Variants in UMAD1 observed in about 807,000 individuals in gnomAD.
UMAD1 encodes UBAP1-MVB12-associated (UMA)-domain containing protein 1.
In UMAD1, 8 loss-of-function variants were observed where a neutral mutation model predicts 6.1. That is an observed-to-expected ratio of 1.30 (90% CI 0.76 to 2.35). The LOEUF is 2.35. Among genes scored for constraint, UMAD1 ranks in the 30% most tolerant of loss-of-function variants. UMAD1 has a pLI of 0.00. For synonymous variants in UMAD1, 56 were observed against 31.4 expected (o/e 1.78, Z -2.61); for missense variants, 130 against 78.4 (o/e 1.66, Z -2.49).
intron 3 of UMAD1, among the ~76,000 whole-genome samples, chr7:7,803,242 A>C (rs1233616757): frequency 1.3e-5 from 2 of 152,216 alleles, no homozygotes; most frequent in Non-Finnish European, 2.9e-5. Flanking sequence ...TTGGGAGGCC[A>C]AGGAAAGAGG....
intron 2 of UMAD1, among the ~76,000 whole-genome samples, chr7:7,749,706 T>C (rs1781641212): frequency 6.6e-6 from 1 of 152,152 alleles, no homozygotes; most frequent in Admixed American, 6.5e-5. Context: ...TATGTAGATA[T>C]GATGAAAAGA....
intron 3 of UMAD1, among the ~76,000 whole-genome samples, chr7:7,853,188 A>G (rs1468792444): frequency 6.6e-6 from 1 of 152,228 alleles, no homozygotes; most frequent in Non-Finnish European, 1.5e-5. Context: ...ATTGATCTAT[A>G]TCTCTCTGCT....
intron 3 of UMAD1, among the ~76,000 whole-genome samples, chr7:7,819,922 G>A (rs1563232768): frequency 6.6e-6 from 1 of 152,040 alleles, no homozygotes; most frequent in African/African-American, 2.4e-5. Flanking sequence ...AAAATGTATG[G>A]GTTATTACTC....
At chr7:7,845,728 GT>G (rs1783771177) in intron 3 of UMAD1, among the ~76,000 whole-genome samples, 2 of 152,012 alleles carry the variant, frequency 1.3e-5, no homozygotes, top group Admixed American at 1.3e-4. Flanking sequence ...ATACAGAACC[GT>G]TATGGCAGCA....
rs571551677 is a variant in UMAD1 at position 7,869,473 on chromosome 7, G to A, written c.157-7808G>A. Among the ~76,000 whole-genome samples the A allele has an allele frequency of 6.6e-5, 10 of 152,264 alleles. No individual in the cohort carries two copies. The South Asian group carries it at 2.1e-3, about 32-fold the overall frequency. On this transcript the variant is annotated intron_variant, in intron 3 of 3. Coordinates refer to ENST00000682710, the MANE Select transcript of UMAD1 (RefSeq NM_001302348.2). ...TCTTTGCATGTAAATTGAATGTGTTGGAAGAGTGTTTTATACCTGGTTTCA... is the reference window on the plus strand; with the variant it reads ...TCTTTGCATGTAAATTGAATGTGTTAGAAGAGTGTTTTATACCTGGTTTCA...
At chr7:7,853,190 C>G (rs1180995360) in intron 3 of UMAD1, among the ~76,000 whole-genome samples, 1 of 152,188 alleles carries the variant, frequency 6.6e-6, no homozygotes, top group African/African-American at 2.4e-5. Context: ...TGATCTATAT[C>G]TCTCTGCTTA....
chr7:7,645,302 A>C (rs1785068887), intron 1 of UMAD1, among the ~76,000 whole-genome samples: 2 of 152,238 alleles, frequency 1.3e-5, no homozygotes, highest in South Asian at 4.1e-4. Flanking sequence ...CTGCATAAAC[A>C]AAAGTATCTT....
intron 2 of UMAD1, among the ~76,000 whole-genome samples, chr7:7,675,157 G>A (rs1161762857): frequency 3.3e-5 from 5 of 152,124 alleles, no homozygotes; most frequent in African/African-American, 4.8e-5. Context: ...GAGCCACCAC[G>A]TCCAGCCTCT....
chr7:7,783,411 T>C (rs1341937131), intron 2 of UMAD1, among the ~76,000 whole-genome samples: 1 of 152,114 alleles, frequency 6.6e-6, no homozygotes, highest in Admixed American at 6.5e-5. Flanking sequence ...TTTTTTTTTT[T>C]CTAAAAGAGA....
intron 3 of UMAD1, among the ~76,000 whole-genome samples, chr7:7,848,987 T>A (rs1210145363): frequency 6.6e-6 from 1 of 152,186 alleles, no homozygotes; most frequent in African/African-American, 2.4e-5. Context: ...ATGGTTCGAT[T>A]TTATATTACG....
chr7:7,872,513 G>A (rs1387278652), intron 3 of UMAD1, among the ~76,000 whole-genome samples: 1 of 152,182 alleles, frequency 6.6e-6, no homozygotes, highest in Non-Finnish European at 1.5e-5. Context: ...AAAGATCACT[G>A]ATCATGCCTC....
intron 3 of UMAD1, among the ~76,000 whole-genome samples, chr7:7,846,836 C>T (rs1379809903): frequency 2.2e-5 from 3 of 135,010 alleles, no homozygotes; most frequent in Non-Finnish European, 4.6e-5. Flanking sequence ...TATTCTCACT[C>T]ATAGGTGGGA....
intron 2 of UMAD1, among the ~76,000 whole-genome samples, chr7:7,727,027 C>A (rs2115188415): frequency 6.6e-6 from 1 of 152,264 alleles, no homozygotes; most frequent in South Asian, 2.1e-4. Context: ...ATGGCCAAGA[C>A]CCTTCAATAA....
At chr7:7,720,981 T>C (rs142006670) in intron 2 of UMAD1, among the ~76,000 whole-genome samples, 1 of 152,226 alleles carries the variant, frequency 6.6e-6, no homozygotes, top group African/African-American at 2.4e-5. Flanking sequence ...CTGATGTCCT[T>C]ATAAGAAGAG....
intron 1 of UMAD1, among the ~76,000 whole-genome samples, chr7:7,645,700 G>T (rs1372687449): frequency 6.6e-6 from 1 of 152,110 alleles, no homozygotes; most frequent in Non-Finnish European, 1.5e-5. Flanking sequence ...TGAGATGATT[G>T]AAATGAGTAT....
At chr7:7,796,887 C>T (rs905363698) in intron 2 of UMAD1, among the ~76,000 whole-genome samples, 1 of 152,176 alleles carries the variant, frequency 6.6e-6, no homozygotes, top group African/African-American at 2.4e-5. Flanking sequence ...CCCCCAAACT[C>T]CTCTGGGGAA....
At chr7:7,762,146 A>G (rs1003167540) in intron 2 of UMAD1, among the ~76,000 whole-genome samples, 2 of 152,168 alleles carry the variant, frequency 1.3e-5, no homozygotes, top group African/African-American at 4.8e-5. Context: ...TCCTTGGGGA[A>G]TATCTGTACT....
chr7:7,678,637 G>GTTT (rs1779819557), intron 2 of UMAD1, among the ~76,000 whole-genome samples: 2 of 32,426 alleles, frequency 6.2e-5, no homozygotes, highest in Non-Finnish European at 1.3e-4. Context: ...TTAATTTATA[G>GTTT]ATAAATATAT....
chr7:7,754,475 T>C (rs976449996), intron 2 of UMAD1, among the ~76,000 whole-genome samples: 37 of 152,270 alleles, frequency 2.4e-4, no homozygotes, highest in Non-Finnish European at 4.0e-4. Context: ...TCCTACAGAG[T>C]TGTTTGAACT....
Sources: gnomAD v4.1 joint callset for allele counts (sites outside exome capture counted in the v4.1 genomes callset) on GRCh38, gnomAD v4.1.1 for gene constraint, MANE v1.5 for transcripts, NCBI Gene and HGNC (gene_info 2026-07-23, HGNC 2026-07-21) for gene names.